The following IPO11 variants were observed in gnomAD, a reference collection of about 807,000 sequenced individuals.
IPO11 encodes importin-11.
A neutral mutation model predicts 143.2 loss-of-function variants in IPO11; 66 were observed. The observed-to-expected ratio is 0.46, with a 90% CI of 0.38 to 0.57. IPO11 has a LOEUF of 0.57. Among genes scored for constraint, IPO11 ranks in the 20% least tolerant of loss-of-function variants. The pLI is 0.00. For synonymous variants in IPO11, 385 were observed against 377.8 expected (o/e 1.02, Z -0.22); for missense variants, 1,026 against 1,141.0 (o/e 0.90, Z 1.45).
intron 4 of IPO11, among the ~76,000 whole-genome samples, chr5:62,451,014 A>G (rs956631466): frequency 6.6e-6 from 1 of 152,194 alleles, no homozygotes; most frequent in East Asian, 1.9e-4. Flanking sequence ...AAACGGAGTT[A>G]CCTTTAATGG....
At chr5:62,597,624 G>A (rs545945710) in intron 28 of IPO11, among the ~76,000 whole-genome samples, 10 of 152,274 alleles carry the variant, frequency 6.6e-5, no homozygotes, top group East Asian at 5.8e-4. Flanking sequence ...TACACTTCCA[G>A]TTAGGTTACA....
intron 7 of IPO11, among the ~76,000 whole-genome samples, chr5:62,470,788 A>G (rs1745737716): frequency 7.1e-6 from 1 of 141,300 alleles, no homozygotes; most frequent in African/African-American, 2.6e-5. Context: ...GTTGTGATAT[A>G]TATTCATTGT....
intron 29 of IPO11, among the ~76,000 whole-genome samples, chr5:62,620,253 C>T (rs915247224): frequency 3.9e-5 from 6 of 152,098 alleles, no homozygotes; most frequent in African/African-American, 1.4e-4. Context: ...GGCGCGATGC[C>T]TCACGCCTGT....
At chr5:62,438,510 T>A (rs1193178571) in intron 2 of IPO11, among the ~76,000 whole-genome samples, 1 of 152,226 alleles carries the variant, frequency 6.6e-6, no homozygotes, top group Admixed American at 6.5e-5. Flanking sequence ...CCCAGCACTT[T>A]GGGAGGCCAA....
intron 9 of IPO11, among the ~76,000 whole-genome samples, chr5:62,482,345 C>T (rs907225689): frequency 1.3e-5 from 2 of 152,098 alleles, no homozygotes; most frequent in African/African-American, 4.8e-5. Flanking sequence ...AATGTGTTTG[C>T]TCTTCCTTCT....
chr5:62,435,192 A>ATATATATG (rs1744167698), intron 1 of IPO11, among the ~76,000 whole-genome samples: 1 of 83,684 alleles, frequency 1.2e-5, no homozygotes, highest in African/African-American at 4.5e-5. Context: ...ATATATATGT[A>ATATATATG]TATATATGTA....
rs974040780 is a variant in IPO11, at chr5:62,450,664, A to T, written c.312+665A>T. On this transcript the variant is annotated intron_variant, in intron 4 of 29. Transcript: ENST00000325324. ...TTTTAGATTAACTTCCCCACCATTTAAAAAAAAAAAAAACAACTCAGAATG... is the reference window on the plus strand; with the variant it reads ...TTTTAGATTAACTTCCCCACCATTTTAAAAAAAAAAAAACAACTCAGAATG... Among the ~76,000 whole-genome samples, 85 of 23,646 alleles carry T rather than the reference A, an allele frequency of 3.6e-3. 1 individual carries two copies. The highest frequency in any genetic ancestry group is 0.011 in the Admixed American group (26 of 2,286). 15.5% of individuals were successfully genotyped at this position (23,646 alleles called of 152,430 possible).
At chr5:62,440,556 C>T (rs1268565252) in intron 2 of IPO11, among the ~76,000 whole-genome samples, 1 of 152,058 alleles carries the variant, frequency 6.6e-6, no homozygotes, top group African/African-American at 2.4e-5. Context: ...AGGGTTTCAC[C>T]ATGTTGGCCA....
intron 16 of IPO11, among the ~76,000 whole-genome samples, chr5:62,501,757 AT>A (rs1328046843): frequency 6.6e-6 from 1 of 152,198 alleles, no homozygotes; most frequent in East Asian, 1.9e-4. Flanking sequence ...TATTGAAAGA[AT>A]TAGGAATAGG....
At chr5:62,557,822 G>A (rs1743629618) in intron 26 of IPO11, among the ~76,000 whole-genome samples, 2 of 152,164 alleles carry the variant, frequency 1.3e-5, no homozygotes, top group African/African-American at 4.8e-5. Flanking sequence ...AGGTTTGACT[G>A]GTTCATATGT....
intron 1 of IPO11, among the ~76,000 whole-genome samples, chr5:62,414,547 G>C (rs576897052): frequency 1.3e-5 from 2 of 152,314 alleles, no homozygotes; most frequent in South Asian, 4.1e-4. Context: ...TGAGTCTGTA[G>C]TGTGTTTGGT....
chr5:62,433,364 T>C (rs1375446805), intron 1 of IPO11, among the ~76,000 whole-genome samples: 1 of 152,238 alleles, frequency 6.6e-6, no homozygotes, highest in Non-Finnish European at 1.5e-5. Context: ...TTTTGTTTAC[T>C]TGTTTCTTTT....
chr5:62,439,706 A>T (rs554324752), intron 2 of IPO11, among the ~76,000 whole-genome samples: 2 of 151,612 alleles, frequency 1.3e-5, no homozygotes, highest in South Asian at 4.2e-4. Flanking sequence ...TATTACCTGT[A>T]ATTTTCTTCT....
At chr5:62,523,752 C>G (rs1412554376) in intron 20 of IPO11, among the ~76,000 whole-genome samples, 1 of 152,120 alleles carries the variant, frequency 6.6e-6, no homozygotes. Context: ...GTTGAGATAA[C>G]CTTCTGGCTG....
intron 20 of IPO11, among the ~76,000 whole-genome samples, chr5:62,517,193 G>C (rs935311747): frequency 1.1e-5 from 1 of 88,924 alleles, no homozygotes; most frequent in Non-Finnish European, 2.3e-5. Flanking sequence ...GCAAGACTCC[G>C]TCTCAAAAAA....
chr5:62,485,710 A>G (rs558952359), intron 12 of IPO11, among the ~76,000 whole-genome samples: 1 of 151,894 alleles, frequency 6.6e-6, no homozygotes, highest in South Asian at 2.1e-4. Flanking sequence ...ATTAGACCAG[A>G]GTGGTGGCGC....
In IPO11 at chr5:62,490,230, A is replaced by G; in HGVS notation, c.1463+10A>G. On this transcript the variant is annotated intron_variant, in intron 15 of 29. Transcript: ENST00000325324. ...AAGTCATTCACAATAGGCAAGTATA[A>G]AATTTTATATTTATTATACACTTAC... 6.6e-7 allele frequency: 1 copy of G among 1,518,834 alleles called. No homozygotes were observed. Among genetic ancestry groups the G allele is most frequent in the Non-Finnish European group, 9.0e-7 (1 of 1,114,726 alleles). 94.1% of individuals were successfully genotyped at this position (1,518,834 alleles called of 1,614,324 possible).
At position 62,537,258 on chromosome 5, in the gene IPO11, TTAC is replaced by T. The variant is rs775345121; in HGVS notation, c.2223_2225del (p.Thr742del). ...TCCTTTTGTGAACTTTTAAAGGAAATTACTACAGAAGGTCAAGTTCAGGTGCTC... is the reference window on the plus strand; with the variant it reads ...TCCTTTTGTGAACTTTTAAAGGAAATTACAGAAGGTCAAGTTCAGGTGCTC... On this transcript the variant is annotated inframe_deletion, in exon 24 of 30. Transcript: ENST00000325324. The T allele has an allele frequency of 5.0e-6, 8 of 1,606,306 alleles. No individual in the cohort carries two copies. The East Asian group carries it at 1.6e-4, about 31-fold the overall frequency.
chr5:62,577,985 A>C (rs966021853), intron 27 of IPO11, among the ~76,000 whole-genome samples: 4 of 152,236 alleles, frequency 2.6e-5, no homozygotes, highest in African/African-American at 9.6e-5. Context: ...AATATAAACA[A>C]TTTATATCCG....
Sources: gnomAD v4.1 joint callset for allele counts (sites outside exome capture counted in the v4.1 genomes callset) on GRCh38, gnomAD v4.1.1 for gene constraint, MANE v1.5 for transcripts, NCBI Gene and HGNC (gene_info 2026-07-23, HGNC 2026-07-21) for gene names.